The following PACRG variants were observed in gnomAD, a reference collection of about 807,000 sequenced individuals.
PACRG encodes the protein parkin coregulated, also known as parkin coregulated gene protein.
In PACRG, 29 loss-of-function variants were observed where a neutral mutation model predicts 29.7. That is an observed-to-expected ratio of 0.98 (90% CI 0.73 to 1.33). The LOEUF (loss-of-function observed/expected upper bound fraction) is 1.33, where lower values mean the gene tolerates loss of function less well. PACRG is among the 40% of genes most tolerant of loss of function. The pLI, the probability that PACRG is intolerant of heterozygous loss-of-function variation, is 0.00. For missense variants in PACRG, 279 were observed against 316.2 expected, an observed-to-expected ratio of 0.88 and a Z score of 0.89; for synonymous variants, 116 against 118.7, an observed-to-expected ratio of 0.98 and a Z score of 0.15.
chr6:162,747,342 A>T (rs191958711), intron 1 of PACRG, among the ~76,000 whole-genome samples: 3,007 of 71,192 alleles, frequency 0.042, 376 homozygotes, highest in African/African-American at 0.23. Flanking sequence ...ATATATATAT[A>T]TATATATATA....
chr6:162,932,350 TC>T (rs1258440846), intron 2 of PACRG, among the ~76,000 whole-genome samples: 1 of 152,056 alleles, frequency 6.6e-6, no homozygotes, highest in Non-Finnish European at 1.5e-5. Flanking sequence ...TACACATCTG[TC>T]AAAACTTATC....
At chr6:163,063,491 A>G (rs920169760) in intron 3 of PACRG, among the ~76,000 whole-genome samples, 1 of 152,232 alleles carries the variant, frequency 6.6e-6, no homozygotes, top group Admixed American at 6.5e-5. Context: ...CTAGCTCAAC[A>G]TAGGGTCATC....
At chr6:162,830,525 C>T (rs1788671573) in intron 2 of PACRG, among the ~76,000 whole-genome samples, 1 of 152,238 alleles carries the variant, frequency 6.6e-6, no homozygotes, top group Non-Finnish European at 1.5e-5. Flanking sequence ...TCTCATCCCC[C>T]TCTCCCCAGG....
At chr6:163,095,261 C>G in intron 4 of PACRG, 1 of 985,320 alleles carries the variant, frequency 1.0e-6, no homozygotes, top group Non-Finnish European at 1.2e-6. Flanking sequence ...CCCAAATCCA[C>G]TTATAAAAAG....
chr6:162,849,286 A>C (rs141982689), intron 2 of PACRG, among the ~76,000 whole-genome samples: 753 of 152,348 alleles, frequency 4.9e-3, no homozygotes, highest in Admixed American at 7.8e-3. Flanking sequence ...CAAGCAGACA[A>C]GTCCGTGTGC....
chr6:162,951,311 T>C (rs189035968), intron 2 of PACRG, among the ~76,000 whole-genome samples: 11 of 152,356 alleles, frequency 7.2e-5, no homozygotes, highest in African/African-American at 2.4e-4. Flanking sequence ...TTAGTTCTTA[T>C]TGGTCAGCAC....
At position 163,255,787 on chromosome 6, in the gene PACRG, C is replaced by T. The variant is rs148899143; in HGVS notation, c.614-59040C>T. 2.7e-3 allele frequency among the ~76,000 whole-genome samples: 405 copies of T among 152,258 alleles called. 3 individuals carry two copies. Among genetic ancestry groups the T allele is most frequent in the African/African-American group, 9.4e-3 (390 of 41,542 alleles). The stretch of plus-strand genomic sequence containing the variant: ...AAGTAGTGGGACTACAGGCCTGAGC[C>T]ACCACACCCAGCTAATTTTTGTATT... On this transcript the variant is annotated intron_variant, in intron 4 of 4. Coordinates refer to ENST00000366888, the MANE Select transcript of PACRG (RefSeq NM_001080379.2).
intron 2 of PACRG, among the ~76,000 whole-genome samples, chr6:162,829,883 A>G (rs916519580): frequency 6.6e-6 from 1 of 152,032 alleles, no homozygotes; most frequent in Non-Finnish European, 1.5e-5. Flanking sequence ...TCATCACTCA[A>G]TCCCTACTTT....
intron 4 of PACRG, chr6:163,182,494 C>A (rs1562953240): frequency 6.6e-6 from 1 of 152,198 alleles, no homozygotes; most frequent in Non-Finnish European, 1.5e-5. Context: ...GAAACAGTCA[C>A]AAGAGTCATG....
intron 2 of PACRG, among the ~76,000 whole-genome samples, chr6:163,000,770 G>A (rs981950125): frequency 3.9e-5 from 6 of 152,170 alleles, no homozygotes; most frequent in African/African-American, 1.4e-4. Flanking sequence ...CTCCTATGCT[G>A]CAGGCTCTGT....
At chr6:162,770,925 T>A (rs796718601) in intron 1 of PACRG, among the ~76,000 whole-genome samples, 1 of 152,134 alleles carries the variant, frequency 6.6e-6, no homozygotes. Flanking sequence ...AATTTAGGTA[T>A]TTTTTGTTGT....
intron 2 of PACRG, among the ~76,000 whole-genome samples, chr6:163,056,736 A>T (rs1810623374): frequency 6.6e-6 from 1 of 152,206 alleles, no homozygotes; most frequent in South Asian, 2.1e-4. Context: ...TCTCAGAGGC[A>T]TTCCCGGAAC....
At chr6:163,019,726 C>T (rs946966204) in intron 2 of PACRG, among the ~76,000 whole-genome samples, 17 of 152,152 alleles carry the variant, frequency 1.1e-4, no homozygotes, top group Admixed American at 2.0e-4. Context: ...CATGAGTGTA[C>T]CTTGCACACA....
intron 4 of PACRG, among the ~76,000 whole-genome samples, chr6:163,304,709 A>G (rs1419670778): frequency 6.6e-6 from 1 of 152,164 alleles, no homozygotes; most frequent in African/African-American, 2.4e-5. Flanking sequence ...CCCATGGGGA[A>G]TTTAGGCATG....
At chr6:162,966,878 A>C (rs1415114760) in intron 2 of PACRG, among the ~76,000 whole-genome samples, 2 of 152,204 alleles carry the variant, frequency 1.3e-5, no homozygotes, top group African/African-American at 4.8e-5. Flanking sequence ...GACAAATGGT[A>C]CTTTATTGGA....
intron 2 of PACRG, among the ~76,000 whole-genome samples, chr6:162,849,669 C>T (rs1182410451): frequency 3.9e-5 from 6 of 152,172 alleles, no homozygotes; most frequent in East Asian, 1.9e-4. Context: ...TCTAAAAGTA[C>T]AGAGATTATT....
chr6:163,212,751 AG>A lies in PACRG; in HGVS notation c.614-102075del, dbSNP rs1562319205. 5.3e-5 allele frequency among the ~76,000 whole-genome samples: 8 copies of A among 151,746 alleles called. No individual in the cohort carries two copies. The East Asian group carries it at 1.6e-3, about 30-fold the overall frequency. ...AAAATGCACATTAATTATAAAGGGA[AG>A]AAGAGTAACTTTACTTTGGAAACTG... On this transcript the variant is annotated intron_variant, in intron 4 of 4. Coordinates refer to ENST00000366888, the MANE Select transcript of PACRG (RefSeq NM_001080379.2).
chr6:162,979,570 T>C (rs999193365), intron 2 of PACRG, among the ~76,000 whole-genome samples: 15 of 152,180 alleles, frequency 9.9e-5, no homozygotes, highest in African/African-American at 3.4e-4. Context: ...TGTGTGTATC[T>C]TGGAGATCTT....
chr6:163,174,448 A>G (rs1331464281), intron 4 of PACRG, among the ~76,000 whole-genome samples: 2 of 151,990 alleles, frequency 1.3e-5, no homozygotes, highest in Admixed American at 6.6e-5. Context: ...AGAGTCACAG[A>G]CTCCTTATTC....
Sources: allele counts gnomAD v4.1 joint callset (sites outside exome capture counted in the v4.1 genomes callset), GRCh38; gene constraint gnomAD v4.1.1; transcripts MANE v1.5; gene names NCBI Gene and HGNC (gene_info 2026-07-23, HGNC 2026-07-21).